CORIN: variants seen among roughly 807,000 people sequenced by gnomAD.
The protein encoded by CORIN is corin, serine peptidase, also known as atrial natriuretic peptide-converting enzyme.
CORIN carries 117 observed loss-of-function variants against 125.3 expected under a neutral mutation model. That is an observed-to-expected ratio of 0.93 (90% CI 0.80 to 1.09). CORIN has a LOEUF of 1.09. CORIN is among the 50% of genes least tolerant of loss of function. CORIN has a pLI of 0.00. For missense variants in CORIN, 1,253 were observed against 1,306.7 expected (o/e 0.96, Z 0.63); for synonymous variants, 450 against 466.4 (o/e 0.96, Z 0.45).
intron 19 of CORIN, among the ~76,000 whole-genome samples, chr4:47,620,237 A>AG (rs1322403007): frequency 5.3e-5 from 8 of 152,342 alleles, no homozygotes; most frequent in Non-Finnish European, 1.2e-4. Context: ...AAACAAGAGT[A>AG]CTAATAGGTG....
At chr4:47,700,647 C>G (rs1358308679) in intron 5 of CORIN, among the ~76,000 whole-genome samples, 1 of 152,200 alleles carries the variant, frequency 6.6e-6, no homozygotes, top group Non-Finnish European at 1.5e-5. Flanking sequence ...ACAGAACGCG[C>G]CATTGTGTCT....
At chr4:47,698,343 C>A (rs1171603080) in intron 5 of CORIN, among the ~76,000 whole-genome samples, 1 of 151,702 alleles carries the variant, frequency 6.6e-6, no homozygotes, top group Non-Finnish European at 1.5e-5. Flanking sequence ...ATTTGAGCAA[C>A]AACTTGAAAG....
At chr4:47,824,672 TTA>T (rs1362424661) in intron 1 of CORIN, among the ~76,000 whole-genome samples, 6 of 152,148 alleles carry the variant, frequency 3.9e-5, no homozygotes, top group African/African-American at 1.4e-4. Flanking sequence ...AATTCTATTG[TTA>T]TGATTCTATT....
intron 12 of CORIN, among the ~76,000 whole-genome samples, chr4:47,658,246 G>A (rs1724082061): frequency 6.6e-6 from 1 of 152,218 alleles, no homozygotes; most frequent in Non-Finnish European, 1.5e-5. Context: ...AAATCTTAAA[G>A]CTCCAAAATA....
At chr4:47,705,349 A>G (rs989694457) in intron 5 of CORIN, among the ~76,000 whole-genome samples, 1 of 152,240 alleles carries the variant, frequency 6.6e-6, no homozygotes, top group African/African-American at 2.4e-5. Context: ...TGATAGAACA[A>G]AAACTCTGTG....
At chr4:47,797,210 TATATA>T (rs1410534842) in intron 2 of CORIN, among the ~76,000 whole-genome samples, 5 of 148,316 alleles carry the variant, frequency 3.4e-5, no homozygotes, top group South Asian at 2.1e-4. Context: ...ATATTTATAA[TATATA>T]ATATAATATA....
chr4:47,714,245 A>G (rs1231188801), intron 5 of CORIN, among the ~76,000 whole-genome samples: 1 of 152,244 alleles, frequency 6.6e-6, no homozygotes, highest in African/African-American at 2.4e-5. Context: ...TTATTTTTAT[A>G]TCTTTGAATA....
At chr4:47,774,999 G>A (rs547946904) in intron 3 of CORIN, among the ~76,000 whole-genome samples, 1 of 152,316 alleles carries the variant, frequency 6.6e-6, no homozygotes, top group East Asian at 1.9e-4. Flanking sequence ...TAGAGTTTCA[G>A]GCGTGCAAGA....
chr4:47,681,318 G>T (rs1364701497), intron 7 of CORIN: 1 of 152,346 alleles, frequency 6.6e-6, no homozygotes, highest in Non-Finnish European at 1.5e-5. Flanking sequence ...GGAACCAGAA[G>T]AGCACAGGGA....
intron 2 of CORIN, chr4:47,790,211 A>G (rs540699969): frequency 2.0e-5 from 20 of 985,316 alleles, no homozygotes; most frequent in Middle Eastern, 1.0e-3. Flanking sequence ...AGGAAGGAAA[A>G]ATAAAATACC....
At chr4:47,673,697 G>A (rs899668068) in intron 10 of CORIN, among the ~76,000 whole-genome samples, 2 of 152,060 alleles carry the variant, frequency 1.3e-5, no homozygotes, top group Admixed American at 6.6e-5. Flanking sequence ...CACTGTCACC[G>A]AAACAAATTA....
chr4:47,614,060 T>G (rs1721977069), intron 19 of CORIN, among the ~76,000 whole-genome samples: 1 of 152,170 alleles, frequency 6.6e-6, no homozygotes, highest in South Asian at 2.1e-4. Flanking sequence ...AAAAATGGCT[T>G]CTTGGCAAAA....
intron 10 of CORIN, among the ~76,000 whole-genome samples, chr4:47,671,007 C>T (rs556179474): frequency 6.6e-6 from 1 of 152,172 alleles, no homozygotes; most frequent in African/African-American, 2.4e-5. Flanking sequence ...AAATAAGCTT[C>T]TCCACTGAAA....
rs548621654 is a variant in CORIN, at chr4:47,688,055, T to TA, written c.914-4218dup. ...CCCTCCACTCTCACAGTTGTGACAATAAAAAAAAGTCTCCATGCATTGCAA... is the reference window on the plus strand; with the variant it reads ...CCCTCCACTCTCACAGTTGTGACAATAAAAAAAAAGTCTCCATGCATTGCAA... On this transcript the variant is annotated intron_variant, in intron 6 of 21. Coordinates refer to ENST00000273857, the MANE Select transcript of CORIN (RefSeq NM_006587.4). Among the ~76,000 whole-genome samples, 400 of 151,942 alleles carry TA rather than the reference T, an allele frequency of 2.6e-3. 1 individual carries two copies. The highest frequency in any genetic ancestry group is 9.2e-3 in the African/African-American group (381 of 41,444).
intron 6 of CORIN, among the ~76,000 whole-genome samples, chr4:47,684,042 T>C (rs1419690249): frequency 6.6e-6 from 1 of 152,232 alleles, no homozygotes; most frequent in Admixed American, 6.5e-5. Flanking sequence ...AGCCAAGTGA[T>C]TTTATCACTT....
chr4:47,619,517 G>T (rs1722217009), intron 19 of CORIN, among the ~76,000 whole-genome samples: 1 of 152,226 alleles, frequency 6.6e-6, no homozygotes, highest in Non-Finnish European at 1.5e-5. Flanking sequence ...GCAAAAGCTT[G>T]TTTAAAGTGG....
intron 16 of CORIN, among the ~76,000 whole-genome samples, chr4:47,634,931 G>C (rs79401746): frequency 1.5e-4 from 23 of 152,200 alleles, no homozygotes; most frequent in Non-Finnish European, 2.8e-4. Context: ...ATATGTGCCC[G>C]CTGCATGTGA....
At chr4:47,653,397 A>C (rs1285321162) in intron 13 of CORIN, among the ~76,000 whole-genome samples, 156 bp downstream of exon 13, 2 of 152,230 alleles carry the variant, frequency 1.3e-5, no homozygotes, top group Non-Finnish European at 2.9e-5. Flanking sequence ...AAACACTTAA[A>C]ATATATGCCA....
chr4:47,607,841 G>A (rs1275401892), intron 19 of CORIN, among the ~76,000 whole-genome samples: 6 of 152,044 alleles, frequency 3.9e-5, no homozygotes, highest in Non-Finnish European at 8.8e-5. Flanking sequence ...CAGCTACTCA[G>A]GAGGCTGAGG....
Sources: gnomAD v4.1 joint callset for allele counts (sites outside exome capture counted in the v4.1 genomes callset) on GRCh38, gnomAD v4.1.1 for gene constraint, MANE v1.5 for transcripts, NCBI Gene and HGNC (gene_info 2026-07-23, HGNC 2026-07-21) for gene names.